The following RFTN1 variants were observed in gnomAD, a reference collection of about 807,000 sequenced individuals.
The protein encoded by RFTN1 is raftlin, lipid raft linker 1.
RFTN1 carries 26 observed loss-of-function variants against 46.5 expected under a neutral mutation model. The observed-to-expected ratio is 0.56, with a 90% CI of 0.41 to 0.78. RFTN1 has a LOEUF of 0.78. Among genes scored for constraint, RFTN1 ranks in the 30% least tolerant of loss-of-function variants. The probability of loss-of-function intolerance (pLI) is 0.00; values close to 1 mark genes in which losing one functional copy is unlikely to be tolerated. For synonymous variants in RFTN1, 261 were observed against 284.2 expected, an observed-to-expected ratio of 0.92 and a Z score of 0.82; for missense variants, 693 against 718.7, an observed-to-expected ratio of 0.96 and a Z score of 0.41.
At chr3:16,393,665 T>C (rs199891911) in intron 4 of RFTN1, among the ~76,000 whole-genome samples, 1 of 88,238 alleles carries the variant, frequency 1.1e-5, no homozygotes, top group Non-Finnish European at 2.0e-5. Flanking sequence ...TTTTTTTTAA[T>C]TTTTTTTTTT....
Position 16,424,469 on chromosome 3 carries a change from A to G in RFTN1, c.332+9382T>C, listed in dbSNP as rs2075252158. ...AAACAACCATCATGAGGACATAATG[A>G]GAATTAATTATAATACCGAAAACAT... On this transcript the variant is annotated intron_variant, in intron 3 of 9. Coordinates refer to ENST00000334133, the MANE Select transcript of RFTN1 (RefSeq NM_015150.2). The surrounding 1 kb of genome is among the most constrained non-coding windows in gnomAD (Gnocchi z 4.7). Among the ~76,000 whole-genome samples, 1 of 152,228 alleles carries G rather than the reference A, an allele frequency of 6.6e-6. No homozygotes were observed.
In RFTN1 at chr3:16,474,606, GA is replaced by G. The variant is rs996165081; in HGVS notation, c.145+19118del. On this transcript the variant is annotated intron_variant, in intron 2 of 9. Transcript: ENST00000334133. The surrounding 1 kb of genome is among the most constrained non-coding windows in gnomAD (Gnocchi z 5.5). ...TTTAAAGCACTCAAGGAGAGGTGAA[GA>G]AAAAAAAAATAGGCTCCCCTCCAAT... is the stretch of plus-strand genomic sequence containing the variant. Among the ~76,000 whole-genome samples, 633 of 149,258 alleles carry G rather than the reference GA, an allele frequency of 4.2e-3. 13 individuals are homozygous for G. The highest frequency in any genetic ancestry group is 2.6e-3 in the Non-Finnish European group (175 of 67,076).
intron 4 of RFTN1, among the ~76,000 whole-genome samples, chr3:16,386,544 GT>G: frequency 1.3e-5 from 2 of 152,340 alleles, no homozygotes; most frequent in Admixed American, 6.5e-5. Context: ...GTTGCTACCT[GT>G]TACGCTGCTC....
At position 16,316,910 on chromosome 3, in the gene RFTN1, G is replaced by C; in HGVS notation, c.1655C>G (p.Thr552Ser). The change falls in exon 10 of 10, where the codon ACT (threonine) becomes AGT (serine). Residue 552 changes from threonine (T) to serine (S), a missense_variant. Coordinates refer to ENST00000334133, the MANE Select transcript of RFTN1 (RefSeq NM_015150.2). The surrounding 1 kb of genome is among the most constrained non-coding windows in gnomAD (Gnocchi z 4.5). ...ATCCTCTCCAGGATTGGAGTGCCCA[G>C]TGCAAATCCCCACCAGGGCCCTGCT... ...SHSRALVGIC[T>S]GHSNPGEDAR... The C allele has an allele frequency of 6.2e-7, 1 of 1,614,140 alleles. No individual in the cohort carries two copies. The highest frequency in any genetic ancestry group is 8.5e-7 in the Non-Finnish European group (1 of 1,180,024).
chr3:16,322,291 A>G lies in RFTN1; in HGVS notation c.1332+1085T>C, dbSNP rs573074938. ...TCCACACTCCAGCCCATCTGGCTTC[A>G]AGTCACCATTGCTTTGGCACTCCTT... On this transcript the variant is annotated intron_variant, in intron 9 of 9. Transcript: ENST00000334133. This position sits in a 1 kb window ranked among gnomAD's most constrained non-coding sequence, Gnocchi z 6.2. Among the ~76,000 whole-genome samples the G allele has an allele frequency of 1.3e-5, 2 of 152,274 alleles. No homozygotes were observed. The highest frequency in any genetic ancestry group is 4.1e-4 in the South Asian group (2 of 4,830).
At chr3:16,487,348 A>G (rs1202859141) in intron 2 of RFTN1, among the ~76,000 whole-genome samples, 1 of 152,236 alleles carries the variant, frequency 6.6e-6, no homozygotes, top group Non-Finnish European at 1.5e-5. Context: ...GTACATTGTT[A>G]TGACTTAGAG....
At position 16,452,723 on chromosome 3, in the gene RFTN1, T is replaced by C. The variant is rs957035444; in HGVS notation, c.146-18686A>G. Among the ~76,000 whole-genome samples the C allele has an allele frequency of 1.3e-5, 2 of 152,210 alleles. No homozygotes were observed. Among genetic ancestry groups the C allele is most frequent in the South Asian group, 2.1e-4 (1 of 4,826 alleles). ...CCAGGCCCTTCAGTAAGATGAGGAATGGAAGACATCCACTGGATTTAGAGA... is the reference window on the plus strand; with the variant it reads ...CCAGGCCCTTCAGTAAGATGAGGAACGGAAGACATCCACTGGATTTAGAGA... On this transcript the variant is annotated intron_variant, in intron 2 of 9. Transcript: ENST00000334133. The surrounding 1 kb of genome is among the most constrained non-coding windows in gnomAD (Gnocchi z 6.3).
chr3:16,336,960 T>C lies in RFTN1; in HGVS notation c.1147-10084A>G, dbSNP rs530157895. 6.6e-6 allele frequency among the ~76,000 whole-genome samples: 1 copy of C among 152,320 alleles called. No homozygotes were observed. Among genetic ancestry groups the C allele is most frequent in the East Asian group, 1.9e-4 (1 of 5,188 alleles). On this transcript the variant is annotated intron_variant, in intron 7 of 9. Transcript: ENST00000334133. This position sits in a 1 kb window ranked among gnomAD's most constrained non-coding sequence, Gnocchi z 6.0. ...CCACTTTCCAACACAGCTCGGCAGC[T>C]CCTCCCATAAGAGGGAGAGTCCCTC...
intron 1 of RFTN1, among the ~76,000 whole-genome samples, chr3:16,502,890 G>T (rs1390601216): frequency 6.6e-6 from 1 of 152,192 alleles, no homozygotes; most frequent in African/African-American, 2.4e-5. Flanking sequence ...AGGTTTTAGG[G>T]CAATTTACCA....
Position 16,451,471 on chromosome 3 carries a change from C to A in RFTN1, c.146-17434G>T, listed in dbSNP as rs1355338782. ...AGGTGTAGTCTCAAACCTGTTTATG[C>A]CAGTTGCACTGGTTATAATGAATAA... On this transcript the variant is annotated intron_variant, in intron 2 of 9. Coordinates refer to ENST00000334133, the MANE Select transcript of RFTN1 (RefSeq NM_015150.2). This position sits in a 1 kb window ranked among gnomAD's most constrained non-coding sequence, Gnocchi z 4.2. 6.6e-6 allele frequency among the ~76,000 whole-genome samples: 1 copy of A among 152,104 alleles called. No individual in the cohort carries two copies. Among genetic ancestry groups the A allele is most frequent in the Non-Finnish European group, 1.5e-5 (1 of 68,014 alleles).
rs1025485523 is a variant in RFTN1, at chr3:16,374,899, C to T, written c.826+2819G>A. 3.3e-5 allele frequency among the ~76,000 whole-genome samples: 5 copies of T among 152,122 alleles called. No individual in the cohort carries two copies. Among genetic ancestry groups the T allele is most frequent in the South Asian group, 2.1e-4 (1 of 4,826 alleles). On this transcript the variant is annotated intron_variant, in intron 5 of 9. Coordinates refer to ENST00000334133, the MANE Select transcript of RFTN1 (RefSeq NM_015150.2). The surrounding 1 kb of genome is among the most constrained non-coding windows in gnomAD (Gnocchi z 5.4). ...GGGCAAGGAGGCGTGACGGCTGCAC[C>T]GAGCCCGCAGAGATGGGGAGGGACG...
In RFTN1 at chr3:16,475,014, C is replaced by T. The variant is rs1024481480; in HGVS notation, c.145+18711G>A. ...GTGGGAGGTGTTTGGGTCATAGGGGCGGATCCCTCACGAAAGGCTTGCTGT... is the reference window on the plus strand; with the variant it reads ...GTGGGAGGTGTTTGGGTCATAGGGGTGGATCCCTCACGAAAGGCTTGCTGT... On this transcript the variant is annotated intron_variant, in intron 2 of 9. Transcript: ENST00000334133. The surrounding 1 kb of genome is among the most constrained non-coding windows in gnomAD (Gnocchi z 4.2). Among the ~76,000 whole-genome samples, 2 of 152,164 alleles carry T rather than the reference C, an allele frequency of 1.3e-5. No homozygotes were observed. The highest frequency in any genetic ancestry group is 4.1e-4 in the South Asian group (2 of 4,830).
intron 8 of RFTN1, among the ~76,000 whole-genome samples, chr3:16,325,231 A>G (rs1234656345): frequency 6.6e-6 from 1 of 152,220 alleles, no homozygotes; most frequent in Non-Finnish European, 1.5e-5. Context: ...TACCACTTTT[A>G]TAGAAGGAAA....
In RFTN1 at chr3:16,483,226, A is replaced by C. The variant is rs2076396230; in HGVS notation, c.145+10499T>G. Among the ~76,000 whole-genome samples the C allele has an allele frequency of 6.6e-6, 1 of 152,188 alleles. No homozygotes were observed. The highest frequency in any genetic ancestry group is 2.4e-5 in the African/African-American group (1 of 41,438). ...TTCAGAGTACTTGAGGCTCTATCTA[A>C]AGGAACCCCATGGTGAAACCCACTT... On this transcript the variant is annotated intron_variant, in intron 2 of 9. Coordinates refer to ENST00000334133, the MANE Select transcript of RFTN1 (RefSeq NM_015150.2). This position sits in a 1 kb window ranked among gnomAD's most constrained non-coding sequence, Gnocchi z 4.8.
At chr3:16,495,655 C>T (rs540498522) in intron 1 of RFTN1, among the ~76,000 whole-genome samples, 1 of 152,264 alleles carries the variant, frequency 6.6e-6, no homozygotes, top group South Asian at 2.1e-4. Flanking sequence ...AGGAAGCTGC[C>T]CTACCTGAAG....
At chr3:16,435,437 G>T (rs1240979925) in intron 2 of RFTN1, among the ~76,000 whole-genome samples, 7 of 152,112 alleles carry the variant, frequency 4.6e-5, no homozygotes, top group African/African-American at 1.4e-4. Context: ...CGGTGTGGTG[G>T]TGCATGCCTG....
chr3:16,365,021 A>T (rs1313749589), intron 6 of RFTN1, among the ~76,000 whole-genome samples: 1 of 152,272 alleles, frequency 6.6e-6, no homozygotes, highest in East Asian at 1.9e-4. Context: ...CGTGTGTGCT[A>T]AACTGCAATA....
intron 7 of RFTN1, among the ~76,000 whole-genome samples, chr3:16,343,356 C>T (rs2071434010): frequency 6.6e-6 from 1 of 152,228 alleles, no homozygotes; most frequent in Non-Finnish European, 1.5e-5. Context: ...TAGTTTTTCC[C>T]TTACAATCAA....
At position 16,345,829 on chromosome 3, in the gene RFTN1, T is replaced by TGTGTGTGC. The variant is rs758493435; in HGVS notation, c.1146+12102_1146+12103insGCACACAC. On this transcript the variant is annotated intron_variant, in intron 7 of 9. Coordinates refer to ENST00000334133, the MANE Select transcript of RFTN1 (RefSeq NM_015150.2). This position sits in a 1 kb window ranked among gnomAD's most constrained non-coding sequence, Gnocchi z 5.2. ...GTGTGTGTGTGTGTGCGCGCGCGCGTGCGCGCACGCGCACATGTGCATGTG... is the reference window on the plus strand; with the variant it reads ...GTGTGTGTGTGTGTGCGCGCGCGCGTGTGTGTGCGCGCGCACGCGCACATGTGCATGTG... 6.3e-4 allele frequency among the ~76,000 whole-genome samples: 44 copies of TGTGTGTGC among 69,878 alleles called. No individual in the cohort carries two copies. The highest frequency in any genetic ancestry group is 2.7e-3 in the East Asian group (6 of 2,204). The allele number at this position is 69,878 out of a possible 152,430, so 45.8% of individuals were successfully genotyped here.
Sources: gnomAD v4.1 joint callset for allele counts (sites outside exome capture counted in the v4.1 genomes callset) on GRCh38, gnomAD v4.1.1 for gene constraint, Gnocchi (gnomAD v3.1) non-coding constraint, MANE v1.5 for transcripts, NCBI Gene and HGNC (gene_info 2026-07-23, HGNC 2026-07-21) for gene names.